DNAJC7: variants seen among roughly 807,000 people sequenced by gnomAD.
DNAJC7 encodes dnaJ homolog subfamily C member 7.
A neutral mutation model predicts 67.4 loss-of-function variants in DNAJC7; 18 were observed. The ratio of observed to expected loss-of-function variants is 0.27; its 90% CI spans 0.18 to 0.40. DNAJC7 has a LOEUF of 0.40. DNAJC7 is among the 10% of genes least tolerant of loss of function. DNAJC7 has a pLI of 1.00. For missense variants in DNAJC7, 419 were observed against 613.8 expected (o/e 0.68, Z 3.35); for synonymous variants, 220 against 207.8 (o/e 1.06, Z -0.50).
At chr17:41,990,151 C>T (rs2051476866) in intron 6 of DNAJC7, 113 bp downstream of exon 6, 5 of 1,000,798 alleles carry the variant, frequency 5.0e-6, no homozygotes, top group Non-Finnish European at 7.5e-6. Flanking sequence ...CCAAGAGGGT[C>T]TGATCAGCCC....
At chr17:41,989,369 C>T in intron 7 of DNAJC7, 35 bp downstream of exon 7, 1 of 1,608,214 alleles carries the variant, frequency 6.2e-7, no homozygotes, top group South Asian at 1.1e-5. Flanking sequence ...CAAAAGGAAG[C>T]TCTTTCCCAG....
intron 9 of DNAJC7, 134 bp downstream of exon 9, chr17:41,987,685 A>ACAATCC: frequency 1.4e-6 from 1 of 694,196 alleles, no homozygotes; most frequent in Non-Finnish European, 2.4e-6. Context: ...TAGGGCTGGA[A>ACAATCC]CAATCCCACC....
At chr17:42,000,656 C>A in intron 1 of DNAJC7, 86 bp from the exon 2 acceptor site, 2 of 998,240 alleles carry the variant, frequency 2.0e-6, no homozygotes, top group Admixed American at 2.3e-5. Flanking sequence ...TGGTCTAGAG[C>A]CCGCAGCACA....
chr17:42,002,761 C>A (rs1338254050), intron 1 of DNAJC7, among the ~76,000 whole-genome samples: 1 of 152,154 alleles, frequency 6.6e-6, no homozygotes, highest in Non-Finnish European at 1.5e-5. Flanking sequence ...GAAAATTAGT[C>A]TGTACTACGA....
rs147756730 is a variant in DNAJC7 at position 41,981,502 on chromosome 17, G to A, written c.1384+353C>T. The A allele has an allele frequency of 5.0e-3, 943 of 187,504 alleles. 3 individuals are homozygous for A. The highest frequency in any genetic ancestry group is 8.1e-3 in the Non-Finnish European group (734 of 90,846). The allele number at this position is 187,504 out of a possible 1,614,324, so 11.6% of individuals were successfully genotyped here. A position where few individuals can be genotyped will look rare whatever the true frequency, so the allele number is the denominator to read the frequency against. ...AGCCACCGCGCCCAGCCTAATTTTT[G>A]TATTTTTAGTAGAGACAGGGTTTCA... On this transcript the variant is annotated intron_variant, in intron 12 of 13. Coordinates refer to ENST00000457167, the MANE Select transcript of DNAJC7 (RefSeq NM_003315.4).
chr17:41,981,341 C>T (rs376371431), intron 12 of DNAJC7, among the ~76,000 whole-genome samples: 3 of 151,924 alleles, frequency 2.0e-5, no homozygotes, highest in East Asian at 3.9e-4. Flanking sequence ...GGATTACAGG[C>T]GCCCACCACC....
In DNAJC7 at chr17:41,987,873, T is replaced by C; in HGVS notation, c.956A>G (p.Asn319Ser). The C allele has an allele frequency of 6.2e-7, 1 of 1,612,208 alleles. No individual in the cohort carries two copies. The highest frequency in any genetic ancestry group is 1.1e-5 in the South Asian group (1 of 90,656). Residue 319 changes from asparagine to serine, a missense_variant, in exon 9 of 14, where the codon AAT becomes AGT. Coordinates refer to ENST00000457167, the MANE Select transcript of DNAJC7 (RefSeq NM_003315.4). ...KLDDAIEDCTNAVKLDDTYIK... is the reference protein window; with the variant it reads ...KLDDAIEDCTSAVKLDDTYIK... ...GTAAGTGTCATCAAGCTTCACTGCA[T>C]TTGTGCAGTCTTCTATTGCATCATC...
intron 5 of DNAJC7, 101 bp downstream of exon 5, chr17:41,994,769 G>T: frequency 1.1e-6 from 1 of 942,708 alleles, no homozygotes; most frequent in South Asian, 1.5e-5. Flanking sequence ...TACTATTCTA[G>T]AGCTTTTGTG....
intron 5 of DNAJC7, 29 bp downstream of exon 5, chr17:41,994,841 G>A: frequency 3.1e-6 from 5 of 1,604,820 alleles, no homozygotes; most frequent in African/African-American, 1.3e-5. Context: ...ACAAAGAGCA[G>A]ATGAGATTAT....
intron 9 of DNAJC7, among the ~76,000 whole-genome samples, chr17:41,984,085 G>A (rs1168081588): frequency 6.6e-6 from 1 of 152,202 alleles, no homozygotes; most frequent in African/African-American, 2.4e-5. Flanking sequence ...ATCCAGAATA[G>A]AGGTGGGATT....
intron 1 of DNAJC7, chr17:42,016,038 A>G (rs779422662): frequency 6.6e-5 from 10 of 152,196 alleles, no homozygotes; most frequent in Admixed American, 2.0e-4. Context: ...TTAGCTTTAA[A>G]TATCTAGGAA....
intron 12 of DNAJC7, among the ~76,000 whole-genome samples, chr17:41,979,469 C>G (rs1187308253): frequency 6.8e-6 from 1 of 146,070 alleles, no homozygotes; most frequent in Non-Finnish European, 1.5e-5. Flanking sequence ...GTCAGGAGTT[C>G]AAGACCAGCC....
At chr17:41,980,371 G>A (rs960962945) in intron 12 of DNAJC7, among the ~76,000 whole-genome samples, 4 of 150,406 alleles carry the variant, frequency 2.7e-5, no homozygotes, top group Non-Finnish European at 4.4e-5. Flanking sequence ...ACAACTTAGA[G>A]TGAAGACTGA....
intron 1 of DNAJC7, among the ~76,000 whole-genome samples, chr17:42,005,635 T>C (rs1259088820): frequency 1.3e-5 from 2 of 152,256 alleles, no homozygotes; most frequent in African/African-American, 4.8e-5. Context: ...CCTCACTGCA[T>C]GAAAAACAGA....
At chr17:41,980,194 C>T (rs948475820) in intron 12 of DNAJC7, among the ~76,000 whole-genome samples, 1 of 151,644 alleles carries the variant, frequency 6.6e-6, no homozygotes, top group African/African-American at 2.4e-5. Context: ...GGACTACAGG[C>T]GTGCGCCACC....
intron 1 of DNAJC7, among the ~76,000 whole-genome samples, chr17:42,005,896 A>G (rs1267216412): frequency 3.3e-5 from 5 of 150,938 alleles, no homozygotes; most frequent in Middle Eastern, 3.2e-3. Context: ...ACACGCCACC[A>G]TGCCTGGCCA....
intron 5 of DNAJC7, among the ~76,000 whole-genome samples, chr17:41,991,103 C>T (rs1567960118): frequency 6.6e-6 from 1 of 152,186 alleles, no homozygotes; most frequent in Non-Finnish European, 1.5e-5. Context: ...CCTCATAAAG[C>T]ATCTCCATAT....
chr17:42,003,950 ATTT>A lies in DNAJC7; in HGVS notation c.78-3383_78-3381del, dbSNP rs10631965. 1.2e-3 allele frequency among the ~76,000 whole-genome samples: 109 copies of A among 94,326 alleles called. 1 individual carries two copies. The highest frequency in any genetic ancestry group is 0.01 in the Admixed American group (68 of 6,682). 61.9% of individuals were successfully genotyped at this position (94,326 alleles called of 152,430 possible). On this transcript the variant is annotated intron_variant, in intron 1 of 13. Transcript: ENST00000457167. Reference sequence around the variant, plus strand: ...GAAGCATTTCCAATGAAGATTTTCAATTTTTTTTTTTTTTTTTTTTTTTTAGAT... The same window carrying A: ...GAAGCATTTCCAATGAAGATTTTCAATTTTTTTTTTTTTTTTTTTTTAGAT...
At chr17:42,013,454 T>A (rs1555651360) in intron 1 of DNAJC7, 2 of 152,350 alleles carry the variant, frequency 1.3e-5, no homozygotes, top group African/African-American at 4.8e-5. Flanking sequence ...GCAGGACATG[T>A]CTTAAGCCAA....
Sources: allele counts gnomAD v4.1 joint callset (sites outside exome capture counted in the v4.1 genomes callset), GRCh38; gene constraint gnomAD v4.1.1; transcripts MANE v1.5; gene names NCBI Gene and HGNC (gene_info 2026-07-23, HGNC 2026-07-21).